CNTNAP2: variants seen among roughly 807,000 people sequenced by gnomAD.
CNTNAP2 encodes contactin-associated protein-like 2.
Under a neutral mutation model 155.2 loss-of-function variants are expected in CNTNAP2, and 98 were observed. That is an observed-to-expected ratio of 0.63 (90% CI 0.54 to 0.75). CNTNAP2 has a LOEUF of 0.75. Ranked by LOEUF, CNTNAP2 falls within the 30% of genes least tolerant of loss-of-function variation. The pLI is 0.00. For synonymous variants in CNTNAP2, 651 were observed against 631.2 expected (o/e 1.03, Z -0.47); for missense variants, 1,727 against 1,688.1 (o/e 1.02, Z -0.40).
intron 15 of CNTNAP2, among the ~76,000 whole-genome samples, chr7:148,097,230 A>T (rs1308477748): frequency 6.6e-6 from 1 of 151,758 alleles, no homozygotes; most frequent in African/African-American, 2.4e-5. Flanking sequence ...GCCAATTTAG[A>T]ACAACTGGTC....
chr7:146,433,337 C>T (rs917061520), intron 1 of CNTNAP2, among the ~76,000 whole-genome samples: 1 of 152,066 alleles, frequency 6.6e-6, no homozygotes, highest in Non-Finnish European at 1.5e-5. Context: ...TAATTCAGAA[C>T]GCGATTTCAG....
chr7:148,001,086 C>G (rs1401313988), intron 15 of CNTNAP2, among the ~76,000 whole-genome samples: 2 of 152,190 alleles, frequency 1.3e-5, no homozygotes, highest in Non-Finnish European at 1.5e-5. Flanking sequence ...TTAGTGTGAT[C>G]TCAAGTGATC....
intron 15 of CNTNAP2, among the ~76,000 whole-genome samples, chr7:148,111,672 A>T (rs1804356323): frequency 6.6e-6 from 1 of 152,138 alleles, no homozygotes; most frequent in Non-Finnish European, 1.5e-5. Flanking sequence ...TAAAGAAAAG[A>T]TCCTGAAAGT....
intron 15 of CNTNAP2, among the ~76,000 whole-genome samples, chr7:148,110,899 C>T (rs1292667620): frequency 1.3e-5 from 2 of 152,216 alleles, no homozygotes; most frequent in Middle Eastern, 3.2e-3. Flanking sequence ...CTCTCCTTAG[C>T]CTTCTTCCTG....
At chr7:146,976,106 G>A (rs1797905088) in intron 3 of CNTNAP2, among the ~76,000 whole-genome samples, 2 of 152,202 alleles carry the variant, frequency 1.3e-5, no homozygotes, top group Admixed American at 1.3e-4. Flanking sequence ...AAGTTTGTTG[G>A]AGATTTGTTA....
In CNTNAP2 at chr7:147,750,483, T is replaced by C. The variant is rs573110515; in HGVS notation, c.2098+111177T>C. Among the ~76,000 whole-genome samples, 4 of 152,294 alleles carry C rather than the reference T, an allele frequency of 2.6e-5. No homozygotes were observed. In the South Asian group the frequency reaches 8.3e-4, roughly 32 times the overall value. ...TCTCTATAAGTATTTATTATCTGTA[T>C]GATCATAAAAAAGTTAATAATTGCA... On this transcript the variant is annotated intron_variant, in intron 13 of 23. Coordinates refer to ENST00000361727, the MANE Select transcript of CNTNAP2 (RefSeq NM_014141.6).
intron 12 of CNTNAP2, among the ~76,000 whole-genome samples, chr7:147,596,388 A>G (rs1325311714): frequency 6.6e-6 from 1 of 152,216 alleles, no homozygotes; most frequent in African/African-American, 2.4e-5. Context: ...ATTCAGGGCT[A>G]CAAGATCTTC....
At chr7:146,496,693 A>G (rs2129132325) in intron 1 of CNTNAP2, among the ~76,000 whole-genome samples, 1 of 152,314 alleles carries the variant, frequency 6.6e-6, no homozygotes. Flanking sequence ...ATCAAAGACG[A>G]AATCCATGTC....
Position 146,642,524 on chromosome 7 carries a change from T to C in CNTNAP2, c.98-131747T>C, listed in dbSNP as rs568663278. 2.3e-3 allele frequency among the ~76,000 whole-genome samples: 342 copies of C among 151,958 alleles called. 6 individuals carry two copies. Among genetic ancestry groups the C allele is most frequent in the East Asian group, 0.012 (62 of 5,162 alleles). ...TATGGCTGCATGGTATTCCATGGTG[T>C]ATACGTGCCACATTTTCTTCATCCA... On this transcript the variant is annotated intron_variant, in intron 1 of 23. Coordinates refer to ENST00000361727, the MANE Select transcript of CNTNAP2 (RefSeq NM_014141.6).
At chr7:146,510,723 AT>A (rs149151926) in intron 1 of CNTNAP2, among the ~76,000 whole-genome samples, 7,906 of 144,194 alleles carry the variant, frequency 0.055, 682 homozygotes, top group African/African-American at 0.19. Flanking sequence ...ATTCCCAGGT[AT>A]TTTTTTTTTC....
intron 22 of CNTNAP2, among the ~76,000 whole-genome samples, chr7:148,394,935 T>C (rs989522276): frequency 1.3e-5 from 2 of 152,262 alleles, no homozygotes; most frequent in African/African-American, 4.8e-5. Context: ...AGTTATTTTA[T>C]GATAATCTGT....
intron 4 of CNTNAP2, among the ~76,000 whole-genome samples, chr7:147,046,856 CGT>C (rs1325831462): frequency 2.0e-5 from 3 of 151,608 alleles, no homozygotes; most frequent in African/African-American, 4.8e-5. Context: ...GGTGAAACCC[CGT>C]CTCTACTAAA....
At chr7:147,443,338 GTC>G (rs906857085) in intron 10 of CNTNAP2, among the ~76,000 whole-genome samples, 24 of 152,262 alleles carry the variant, frequency 1.6e-4, no homozygotes, top group African/African-American at 5.8e-4. Context: ...GCTGCACGCT[GTC>G]TCTCTCCTCA....
intron 2 of CNTNAP2, among the ~76,000 whole-genome samples, chr7:146,779,969 T>C (rs1802454528): frequency 6.6e-6 from 1 of 152,192 alleles, no homozygotes; most frequent in African/African-American, 2.4e-5. Flanking sequence ...ACCACAGTCC[T>C]TACCTTTCCT....
chr7:146,681,624 G>C (rs1800506095), intron 1 of CNTNAP2, among the ~76,000 whole-genome samples: 1 of 97,864 alleles, frequency 1.0e-5, no homozygotes, highest in Non-Finnish European at 2.4e-5. Context: ...GAGTGGGAGG[G>C]TGGAGATTGG....
chr7:147,680,161 G>A (rs968819530), intron 13 of CNTNAP2, among the ~76,000 whole-genome samples: 11 of 151,866 alleles, frequency 7.2e-5, no homozygotes, highest in Non-Finnish European at 1.5e-4. Context: ...TGTGCACACA[G>A]GTTCAGGGGA....
intron 13 of CNTNAP2, among the ~76,000 whole-genome samples, chr7:147,734,563 A>G (rs1188639464): frequency 1.3e-5 from 2 of 152,168 alleles, no homozygotes; most frequent in South Asian, 4.1e-4. Flanking sequence ...CTCTTTTTCT[A>G]TTGATTGGAA....
intron 10 of CNTNAP2, among the ~76,000 whole-genome samples, chr7:147,400,834 G>T (rs1423815098): frequency 6.6e-6 from 1 of 152,160 alleles, no homozygotes; most frequent in African/African-American, 2.4e-5. Flanking sequence ...ATACTAACTT[G>T]TATGTGAAAA....
intron 15 of CNTNAP2, among the ~76,000 whole-genome samples, chr7:148,074,535 C>T (rs770785159): frequency 4.5e-4 from 68 of 151,868 alleles, no homozygotes; most frequent in Admixed American, 1.2e-3. Flanking sequence ...ACTAAAAATA[C>T]AAAAATTGCT....
Sources: gnomAD v4.1 joint callset for allele counts (sites outside exome capture counted in the v4.1 genomes callset) on GRCh38, gnomAD v4.1.1 for gene constraint, MANE v1.5 for transcripts, NCBI Gene and HGNC (gene_info 2026-07-23, HGNC 2026-07-21) for gene names.